Variants in RBFOX1 observed in about 807,000 individuals in gnomAD.
RBFOX1 encodes RNA binding protein fox-1 homolog 1.
A neutral mutation model predicts 57.7 loss-of-function variants in RBFOX1; 8 were observed. The observed-to-expected ratio is 0.14, with a 90% CI of 0.08 to 0.25. The LOEUF (loss-of-function observed/expected upper bound fraction) is 0.25. Among genes scored for constraint, RBFOX1 ranks in the 10% least tolerant of loss-of-function variants. The pLI is 1.00. For missense variants in RBFOX1, 611 were observed against 548.5 expected, an observed-to-expected ratio of 1.11 and a Z score of -1.14; for synonymous variants, 326 against 222.4, an observed-to-expected ratio of 1.47 and a Z score of -4.15.
intron 4 of RBFOX1, among the ~76,000 whole-genome samples, chr16:7,340,705 A>ATTAAC (rs2096875165): frequency 1.3e-5 from 2 of 152,226 alleles, no homozygotes; most frequent in African/African-American, 4.8e-5. Context: ...CCTTCCAGTT[A>ATTAAC]TTAACTTTGT....
intron 1 of RBFOX1, among the ~76,000 whole-genome samples, chr16:5,248,677 C>T (rs1596301074): frequency 6.6e-6 from 1 of 152,044 alleles, no homozygotes; most frequent in Admixed American, 6.6e-5. Flanking sequence ...TCGGGGGAGA[C>T]TGCAAAGAGA....
intron 4 of RBFOX1, among the ~76,000 whole-genome samples, chr16:7,265,645 C>T (rs896010976): frequency 2.0e-5 from 3 of 151,966 alleles, no homozygotes; most frequent in East Asian, 2.0e-4. Context: ...GACGAGTCTT[C>T]GCCATATTGG....
chr16:6,465,762 A>G (rs190199748), intron 2 of RBFOX1, among the ~76,000 whole-genome samples: 56 of 152,226 alleles, frequency 3.7e-4, no homozygotes, highest in African/African-American at 1.3e-3. Flanking sequence ...ATGTGGTCCA[A>G]AATATTTACT....
intron 4 of RBFOX1, among the ~76,000 whole-genome samples, chr16:7,284,108 C>T (rs1490278109): frequency 6.6e-6 from 1 of 152,220 alleles, no homozygotes. Flanking sequence ...CATCTATCAA[C>T]AGTTCCTTCT....
intron 1 of RBFOX1, among the ~76,000 whole-genome samples, chr16:6,133,984 T>A (rs2096648039): frequency 6.6e-6 from 1 of 151,920 alleles, no homozygotes; most frequent in South Asian, 2.1e-4. Flanking sequence ...TCACCCAGGG[T>A]CAAGTGCAGT....
chr16:6,336,364 T>G (rs2083755198), intron 2 of RBFOX1, among the ~76,000 whole-genome samples: 3 of 150,784 alleles, frequency 2.0e-5, no homozygotes, highest in Admixed American at 6.6e-5. Flanking sequence ...CCTGGCTAAT[T>G]TTTTGTATTT....
rs1597464991 is a variant in RBFOX1, at chr16:5,844,886, G to A, written c.319-22417G>A. ...TAATGACCCATTCCAAAAAGAAACAGCTCTGTTCCTTATTTGCCGTTAAGA... is the reference window on the plus strand; with the variant it reads ...TAATGACCCATTCCAAAAAGAAACAACTCTGTTCCTTATTTGCCGTTAAGA... On this transcript the variant is annotated intron_variant, in intron 3 of 19. Transcript: ENST00000641259. 3.9e-5 allele frequency among the ~76,000 whole-genome samples: 6 copies of A among 152,206 alleles called. No homozygotes were observed. In the Middle Eastern group the frequency reaches 0.017, roughly 431 times the overall value.
chr16:7,445,120 T>C (rs11077177), intron 4 of RBFOX1, among the ~76,000 whole-genome samples: 29,792 of 151,812 alleles, frequency 0.2, 4,038 homozygotes, highest in African/African-American at 0.37. Context: ...TGATGAGGAA[T>C]GTGGTACAGG....
chr16:6,952,339 A>G (rs2080938580), intron 3 of RBFOX1, among the ~76,000 whole-genome samples: 1 of 152,334 alleles, frequency 6.6e-6, no homozygotes, highest in Admixed American at 6.5e-5. Flanking sequence ...CAAAGTAGTT[A>G]ACTTAGACCT....
At chr16:5,639,632 C>T (rs2048796774) in intron 3 of RBFOX1, among the ~76,000 whole-genome samples, 1 of 152,170 alleles carries the variant, frequency 6.6e-6, no homozygotes. Flanking sequence ...ATGCATTCAT[C>T]ATCACTGTAG....
intron 3 of RBFOX1, among the ~76,000 whole-genome samples, chr16:5,698,064 T>G (rs1371408245): frequency 6.6e-6 from 1 of 152,210 alleles, no homozygotes; most frequent in African/African-American, 2.4e-5. Context: ...TGAATCGTTA[T>G]TGGATTTTTG....
rs1253963632 is a variant in RBFOX1 at position 7,496,351 on chromosome 16, C to T, written c.28-21796C>T. Among the ~76,000 whole-genome samples the T allele has an allele frequency of 3.9e-5, 6 of 152,134 alleles. No individual in the cohort carries two copies. The South Asian group carries it at 8.3e-4, about 21-fold the overall frequency. ...AGGGATGGGGTTTCATCATGTTGAC[C>T]AGGCTGGTCTTGAACTCTTGACCTC... On this transcript the variant is annotated intron_variant, in intron 4 of 15. Coordinates refer to ENST00000550418, the MANE Select transcript of RBFOX1 (RefSeq NM_018723.4).
intron 1 of RBFOX1, among the ~76,000 whole-genome samples, chr16:5,339,436 GAT>G (rs2064979822): frequency 8.1e-6 from 1 of 122,974 alleles, no homozygotes; most frequent in Non-Finnish European, 1.7e-5. Flanking sequence ...GAAGAATTTA[GAT>G]TTTGCCAAAA....
chr16:7,390,393 T>A (rs1393185422), intron 4 of RBFOX1, among the ~76,000 whole-genome samples: 2 of 152,162 alleles, frequency 1.3e-5, no homozygotes. Flanking sequence ...TTCTTAACTA[T>A]GAGATTTCGA....
chr16:5,757,812 T>C (rs1185724190), intron 3 of RBFOX1, among the ~76,000 whole-genome samples: 1 of 152,220 alleles, frequency 6.6e-6, no homozygotes, highest in Non-Finnish European at 1.5e-5. Context: ...CTTCAGCTTG[T>C]CATCTGTCTG....
intron 3 of RBFOX1, among the ~76,000 whole-genome samples, chr16:5,753,425 G>T (rs2053283942): frequency 6.6e-6 from 1 of 152,154 alleles, no homozygotes; most frequent in Non-Finnish European, 1.5e-5. Flanking sequence ...AATTTTGGCT[G>T]CGTTTTTCAC....
At chr16:5,518,587 A>T (rs1446253940) in intron 2 of RBFOX1, among the ~76,000 whole-genome samples, 2 of 152,206 alleles carry the variant, frequency 1.3e-5, no homozygotes, top group Non-Finnish European at 2.9e-5. Context: ...GAAATCCATA[A>T]ACCTGCAAGG....
chr16:5,820,008 T>A (rs1292807463), intron 3 of RBFOX1, among the ~76,000 whole-genome samples: 1 of 152,222 alleles, frequency 6.6e-6, no homozygotes. Context: ...CCGGGACCTC[T>A]GGCAGGGAGG....
chr16:6,664,307 C>T (rs934553336), intron 3 of RBFOX1, among the ~76,000 whole-genome samples: 1 of 152,168 alleles, frequency 6.6e-6, no homozygotes, highest in Non-Finnish European at 1.5e-5. Context: ...AACCCTCATT[C>T]CTCTTGGGCA....
Sources: allele counts gnomAD v4.1 joint callset (sites outside exome capture counted in the v4.1 genomes callset), GRCh38; gene constraint gnomAD v4.1.1; transcripts MANE v1.5; gene names NCBI Gene and HGNC (gene_info 2026-07-23, HGNC 2026-07-21).